The following SNX9 variants were observed in gnomAD, a reference collection of about 807,000 sequenced individuals.
SNX9 encodes sorting nexin 9, also known as sorting nexin-9.
A neutral mutation model predicts 89.4 loss-of-function variants in SNX9; 44 were observed. The observed-to-expected ratio is 0.49, with a 90% CI of 0.39 to 0.63. SNX9 has a LOEUF of 0.63. Among genes scored for constraint, SNX9 ranks in the 30% least tolerant of loss-of-function variants. SNX9 has a pLI of 0.00. For synonymous variants in SNX9, 236 were observed against 247.8 expected (o/e 0.95, Z 0.45); for missense variants, 578 against 736.1 (o/e 0.79, Z 2.49).
intron 4 of SNX9, among the ~76,000 whole-genome samples, chr6:157,889,066 G>T (rs1336396533): frequency 1.3e-5 from 2 of 152,182 alleles, no homozygotes. Flanking sequence ...GAGTGAAGGA[G>T]CCGAGGGGAT....
intron 1 of SNX9, among the ~76,000 whole-genome samples, chr6:157,860,619 A>G (rs1782102367): frequency 6.6e-6 from 1 of 152,198 alleles, no homozygotes; most frequent in South Asian, 2.1e-4. Context: ...TGCACCGCAT[A>G]TAGAAGCTTT....
At chr6:157,828,454 G>A (rs1204371518) in intron 1 of SNX9, among the ~76,000 whole-genome samples, 2 of 151,856 alleles carry the variant, frequency 1.3e-5, no homozygotes, top group African/African-American at 4.8e-5. Flanking sequence ...CCTTCCCTAG[G>A]TACTTTGTTT....
chr6:157,842,855 C>G lies in SNX9; in HGVS notation c.12+19409C>G, dbSNP rs377444438. Among the ~76,000 whole-genome samples, 9 of 152,074 alleles carry G rather than the reference C, an allele frequency of 5.9e-5. No homozygotes were observed. The East Asian group carries it at 1.3e-3, about 23-fold the overall frequency. ...CTTGGAGCCAGAGGCTACATGACCCCGAAATTGTAATTTCTTGTAGTTATT... is the reference window on the plus strand; with the variant it reads ...CTTGGAGCCAGAGGCTACATGACCCGGAAATTGTAATTTCTTGTAGTTATT... On this transcript the variant is annotated intron_variant, in intron 1 of 17. Transcript: ENST00000392185.
intron 1 of SNX9, among the ~76,000 whole-genome samples, chr6:157,866,423 A>G (rs1304307482): frequency 6.6e-6 from 1 of 152,068 alleles, no homozygotes; most frequent in African/African-American, 2.4e-5. Flanking sequence ...AAAATACAAA[A>G]ATTAGCTGGG....
At chr6:157,835,657 G>C (rs1001268627) in intron 1 of SNX9, among the ~76,000 whole-genome samples, 2 of 151,992 alleles carry the variant, frequency 1.3e-5, no homozygotes, top group Admixed American at 6.6e-5. Context: ...TCACGGGGTC[G>C]ATTTCCCCCA....
At chr6:157,927,715 A>C in intron 11 of SNX9, among the ~76,000 whole-genome samples, 1 of 136,064 alleles carries the variant, frequency 7.3e-6, no homozygotes. Flanking sequence ...TTTTAATTTT[A>C]AGCTTTTTTT....
At chr6:157,912,263 A>G (rs1783364054) in intron 9 of SNX9, among the ~76,000 whole-genome samples, 1 of 152,164 alleles carries the variant, frequency 6.6e-6, no homozygotes, top group African/African-American at 2.4e-5. Context: ...TGTGTGCTCC[A>G]CAGTGTTTAA....
At chr6:157,901,828 TTAAG>T in intron 5 of SNX9, 66 bp from the exon 6 acceptor site, 2 of 1,552,708 alleles carry the variant, frequency 1.3e-6, no homozygotes, top group Non-Finnish European at 1.7e-6. Flanking sequence ...TGTCAGAAAA[TTAAG>T]TAATTTCATT....
Position 157,932,185 on chromosome 6 carries a change from T to C in SNX9, c.1289-10T>C. ...AGAAGACTAATCGTTTATTCCTTTT[T>C]GTCTTTCAGCATTACCCAAGGAATA... On this transcript the variant is annotated splice_polypyrimidine_tract_variant and intron_variant, in intron 12 of 17. Transcript: ENST00000392185. 6.2e-7 allele frequency: 1 copy of C among 1,612,974 alleles called. No individual in the cohort carries two copies. The highest frequency in any genetic ancestry group is 1.7e-5 in the Admixed American group (1 of 60,030).
intron 2 of SNX9, among the ~76,000 whole-genome samples, chr6:157,869,526 T>C (rs1583208573): frequency 6.6e-6 from 1 of 152,282 alleles, no homozygotes; most frequent in African/African-American, 2.4e-5. Flanking sequence ...TTAAAGCCAT[T>C]GGTTTCTCTC....
At chr6:157,825,057 G>A (rs1391500219) in intron 1 of SNX9, among the ~76,000 whole-genome samples, 1 of 152,126 alleles carries the variant, frequency 6.6e-6, no homozygotes, top group African/African-American at 2.4e-5. Flanking sequence ...AGACAAGCCT[G>A]GCCAATATGG....
At chr6:157,919,769 CTT>C (rs923598330) in intron 9 of SNX9, among the ~76,000 whole-genome samples, 2 of 152,084 alleles carry the variant, frequency 1.3e-5, no homozygotes, top group African/African-American at 4.8e-5. Flanking sequence ...TGGTTCATAT[CTT>C]GCTATTTCTT....
chr6:157,826,562 T>C (rs888106101), intron 1 of SNX9, among the ~76,000 whole-genome samples: 3 of 150,092 alleles, frequency 2.0e-5, no homozygotes, highest in African/African-American at 7.4e-5. Flanking sequence ...GATTATCTAT[T>C]TTCTATTTCT....
chr6:157,839,763 CCTCCAGT>C (rs1209515864), intron 1 of SNX9, among the ~76,000 whole-genome samples: 1 of 152,084 alleles, frequency 6.6e-6, no homozygotes, highest in Non-Finnish European at 1.5e-5. Flanking sequence ...CCCATCTTGC[CCTCCAGT>C]CTCCTCTTTA....
chr6:157,858,307 C>T (rs372720329), intron 1 of SNX9, among the ~76,000 whole-genome samples: 6 of 149,792 alleles, frequency 4.0e-5, no homozygotes, highest in East Asian at 2.0e-4. Context: ...AGTGCAATGG[C>T]GCAATCTCGG....
intron 12 of SNX9, among the ~76,000 whole-genome samples, chr6:157,929,616 AT>A (rs1176157406): frequency 3.3e-5 from 5 of 152,238 alleles, no homozygotes; most frequent in African/African-American, 1.2e-4. Context: ...GTTAAAAAAA[AT>A]GTTTTATATT....
At chr6:157,840,488 CTT>C (rs1781684133) in intron 1 of SNX9, among the ~76,000 whole-genome samples, 2 of 150,324 alleles carry the variant, frequency 1.3e-5, no homozygotes, top group African/African-American at 2.5e-5. Flanking sequence ...CTCTCTCTCT[CTT>C]TCTTTCTCTT....
intron 8 of SNX9, 42 bp downstream of exon 8, chr6:157,909,832 A>C: frequency 6.2e-7 from 1 of 1,612,324 alleles, no homozygotes; most frequent in Non-Finnish European, 8.5e-7. Context: ...TGTTTGGATC[A>C]CTGATTGCAG....
intron 4 of SNX9, among the ~76,000 whole-genome samples, chr6:157,883,674 T>C (rs1384347235): frequency 6.6e-6 from 1 of 152,228 alleles, no homozygotes; most frequent in African/African-American, 2.4e-5. Context: ...ATATGTCCCA[T>C]GCTGTCTCAC....
Sources: gnomAD v4.1 joint callset for allele counts (sites outside exome capture counted in the v4.1 genomes callset) on GRCh38, gnomAD v4.1.1 for gene constraint, MANE v1.5 for transcripts, NCBI Gene and HGNC (gene_info 2026-07-23, HGNC 2026-07-21) for gene names.